CPA6: variants seen among roughly 807,000 people sequenced by gnomAD.
The protein encoded by CPA6 is carboxypeptidase A6.
Under a neutral mutation model 63.3 loss-of-function variants are expected in CPA6, and 58 were observed. The observed-to-expected ratio is 0.92, with a 90% CI of 0.74 to 1.14. The LOEUF (loss-of-function observed/expected upper bound fraction) is 1.14. Ranked by LOEUF, CPA6 falls within the 50% of genes most tolerant of loss-of-function variation. The pLI, the probability that CPA6 is intolerant of heterozygous loss-of-function variation, is 0.00. For missense variants in CPA6, 565 were observed against 526.6 expected (o/e 1.07, Z -0.71); for synonymous variants, 185 against 179.0 (o/e 1.03, Z -0.27).
intron 1 of CPA6, among the ~76,000 whole-genome samples, chr8:67,745,634 T>C (rs1283457745): frequency 6.6e-6 from 1 of 152,018 alleles, no homozygotes; most frequent in East Asian, 1.9e-4. Flanking sequence ...CCACCGCTCC[T>C]ACATACAATT....
chr8:67,425,270 C>CTATTAT (rs563612920), intron 10 of CPA6, among the ~76,000 whole-genome samples: 3 of 151,430 alleles, frequency 2.0e-5, no homozygotes, highest in Non-Finnish European at 2.9e-5. Flanking sequence ...TGAGATAATC[C>CTATTAT]TATTATTATT....
At chr8:67,730,675 CACATCACTTTGGAGAGTCAAGG>C (rs1191136954) in intron 1 of CPA6, among the ~76,000 whole-genome samples, 1 of 152,168 alleles carries the variant, frequency 6.6e-6, no homozygotes, top group Non-Finnish European at 1.5e-5. Context: ...TACAAAAAGA[CACATCACTTTGGAGAGTCAAGG>C]ATTTTAGGAG....
chr8:67,617,175 G>A (rs1289415787), intron 2 of CPA6, among the ~76,000 whole-genome samples: 1 of 152,146 alleles, frequency 6.6e-6, no homozygotes, highest in Admixed American at 6.5e-5. Flanking sequence ...GATCACTGGG[G>A]TAGATCGTCA....
At chr8:67,697,133 A>T (rs949671398) in intron 1 of CPA6, among the ~76,000 whole-genome samples, 1 of 152,202 alleles carries the variant, frequency 6.6e-6, no homozygotes, top group Non-Finnish European at 1.5e-5. Flanking sequence ...ACCCAAGTCC[A>T]TGTTGGTAAT....
chr8:67,610,365 T>C (rs1158336867), intron 2 of CPA6, among the ~76,000 whole-genome samples: 1 of 151,790 alleles, frequency 6.6e-6, no homozygotes, highest in Non-Finnish European at 1.5e-5. Flanking sequence ...AGGCCGAGAC[T>C]CTTTTTCTCT....
chr8:67,539,366 G>A (rs927958868), intron 2 of CPA6, among the ~76,000 whole-genome samples: 1 of 152,156 alleles, frequency 6.6e-6, no homozygotes, highest in South Asian at 2.1e-4. Context: ...AAAGACATCC[G>A]CTCTTAGTCT....
intron 2 of CPA6, among the ~76,000 whole-genome samples, chr8:67,621,749 C>T (rs1481389604): frequency 1.1e-4 from 17 of 152,216 alleles, no homozygotes; most frequent in Non-Finnish European, 1.5e-5. Context: ...TCCCTTCACT[C>T]TGCTCCCTTC....
intron 10 of CPA6, among the ~76,000 whole-genome samples, chr8:67,423,672 T>C (rs558430220): frequency 6.6e-6 from 1 of 152,340 alleles, no homozygotes; most frequent in East Asian, 1.9e-4. Flanking sequence ...TGAGTAGAGA[T>C]ACTATAAAGT....
intron 8 of CPA6, among the ~76,000 whole-genome samples, chr8:67,479,147 A>C (rs568862541): frequency 3.9e-4 from 59 of 152,330 alleles, no homozygotes; most frequent in Non-Finnish European, 7.8e-4. Flanking sequence ...ATATTTCCTT[A>C]TCTAGCTCAA....
chr8:67,718,695 G>A (rs934556311), intron 1 of CPA6, among the ~76,000 whole-genome samples: 2 of 149,978 alleles, frequency 1.3e-5, no homozygotes, highest in Non-Finnish European at 1.5e-5. Context: ...TCACCAGGCT[G>A]GAGTGCAGTG....
chr8:67,475,527 G>A (rs1360212953), intron 8 of CPA6, among the ~76,000 whole-genome samples: 1 of 152,220 alleles, frequency 6.6e-6, no homozygotes, highest in Non-Finnish European at 1.5e-5. Flanking sequence ...TGAAGCTGAA[G>A]CAAAAGCTGC....
At chr8:67,717,767 C>A (rs1817409656) in intron 1 of CPA6, among the ~76,000 whole-genome samples, 1 of 152,200 alleles carries the variant, frequency 6.6e-6, no homozygotes, top group East Asian at 1.9e-4. Flanking sequence ...TCCTAGTGGG[C>A]CTTCGGTGCA....
At position 67,460,592 on chromosome 8, in the gene CPA6, A is replaced by T. The variant is rs374416452; in HGVS notation, c.838+23176T>A. Among the ~76,000 whole-genome samples, 5 of 152,322 alleles carry T rather than the reference A, an allele frequency of 3.3e-5. No individual in the cohort carries two copies. In the East Asian group the frequency reaches 9.6e-4, roughly 29 times the overall value. On this transcript the variant is annotated intron_variant, in intron 8 of 10. Transcript: ENST00000297770. Reference sequence around the variant, plus strand: ...TGAATTAGCGCTAGCTTATTTCTTAATTGTGGAATTTGCTGGAAGGCCATA... The same window carrying T: ...TGAATTAGCGCTAGCTTATTTCTTATTTGTGGAATTTGCTGGAAGGCCATA...
chr8:67,549,568 T>G (rs1019398569), intron 2 of CPA6, among the ~76,000 whole-genome samples: 1 of 152,238 alleles, frequency 6.6e-6, no homozygotes, highest in African/African-American at 2.4e-5. Flanking sequence ...CTATGCTATA[T>G]GGTAGATCCC....
intron 1 of CPA6, among the ~76,000 whole-genome samples, chr8:67,693,573 G>A (rs1587706981): frequency 1.3e-5 from 2 of 152,338 alleles, no homozygotes; most frequent in East Asian, 3.9e-4. Flanking sequence ...AAGTGATTAG[G>A]TTGTAAAGGC....
At chr8:67,661,185 A>T (rs936448412) in intron 1 of CPA6, among the ~76,000 whole-genome samples, 1 of 152,186 alleles carries the variant, frequency 6.6e-6, no homozygotes, top group Non-Finnish European at 1.5e-5. Context: ...CGGTCAAGGA[A>T]GGTGTAATTG....
chr8:67,706,408 T>A (rs942181082), intron 1 of CPA6, among the ~76,000 whole-genome samples: 2 of 152,168 alleles, frequency 1.3e-5, no homozygotes, highest in African/African-American at 4.8e-5. Flanking sequence ...GTGTAATTTG[T>A]ACATAAGACC....
rs772119815 is a variant in CPA6, at chr8:67,746,087, G to A, written c.43C>T (p.Leu15=). Residue 15 remains leucine, a synonymous_variant, in exon 1 of 11, where the codon CTG becomes TTG. Transcript: ENST00000297770. Reference sequence around the variant, plus strand: ...TTCAAAAAGAGCCAGCAAAGAGGCAGGAAAGCAGCTGCCTGGCCCCTGCGC... The same window carrying A: ...TTCAAAAAGAGCCAGCAAAGAGGCAAGAAAGCAGCTGCCTGGCCCCTGCGC... ...GKRRGQAAAF[L]PLCWLFLKIL... 1 of 1,613,992 alleles carries A rather than the reference G, an allele frequency of 6.2e-7. No individual in the cohort carries two copies.
At chr8:67,566,012 T>C (rs893976262) in intron 2 of CPA6, among the ~76,000 whole-genome samples, 13 of 152,182 alleles carry the variant, frequency 8.5e-5, no homozygotes, top group African/African-American at 3.1e-4. Flanking sequence ...AGCTGATTCA[T>C]GATTTTCATT....
Sources: allele counts gnomAD v4.1 joint callset (sites outside exome capture counted in the v4.1 genomes callset), GRCh38; gene constraint gnomAD v4.1.1; transcripts MANE v1.5; gene names NCBI Gene and HGNC (gene_info 2026-07-23, HGNC 2026-07-21).